The following SMARCA4 variants were observed in gnomAD, a reference collection of about 807,000 sequenced individuals.
SMARCA4 encodes the protein SWI/SNF related BAF chromatin remodeling complex subunit ATPase 4.
In SMARCA4, 31 loss-of-function variants were observed where a neutral mutation model predicts 193.9. That is an observed-to-expected ratio of 0.16 (90% CI 0.12 to 0.22). The LOEUF (loss-of-function observed/expected upper bound fraction) is 0.22. Among genes scored for constraint, SMARCA4 ranks in the 10% least tolerant of loss-of-function variants. The pLI, the probability that SMARCA4 is intolerant of heterozygous loss-of-function variation, is 1.00. For missense variants in SMARCA4, 1,148 were observed against 2,296.0 expected, an observed-to-expected ratio of 0.50 and a Z score of 10.22; for synonymous variants, 942 against 933.1, an observed-to-expected ratio of 1.01 and a Z score of -0.17.
In SMARCA4 at chr19:11,060,150, T is replaced by G. The variant is rs1480297795; in HGVS notation, c.4874T>G (p.Val1625Gly). ...RPSRGSRAKPVVSDDDSEEEQ... is the reference protein window; with the variant it reads ...RPSRGSRAKPGVSDDDSEEEQ... ...AGCCGAGGGTCCCGAGCCAAGCCGG[T>G]CGTGAGTGACGATGACAGTGAGGAG... Residue 1625 changes from valine (V) to glycine (G), a missense_variant, in exon 34 of 35, where the codon GTC (valine) becomes GGC (glycine). By Grantham distance (109) the Val-to-Gly change is moderately radical. Coordinates refer to ENST00000344626, the MANE Select transcript of SMARCA4 (RefSeq NM_003072.5). 6.4e-7 allele frequency: 1 copy of G among 1,551,028 alleles called. No homozygotes were observed. Among genetic ancestry groups the G allele is most frequent in the Admixed American group, 2.0e-5 (1 of 50,992 alleles).
rs900132786 is a variant in SMARCA4 at position 11,031,064 on chromosome 19, G to A, written c.3546+171G>A. Reference sequence around the variant, plus strand: ...ATAGGTCATCAGGGAGAAAAGAGGCGGGGTCCTCCTGTTTCCCAAAATACA... The same window carrying A: ...ATAGGTCATCAGGGAGAAAAGAGGCAGGGTCCTCCTGTTTCCCAAAATACA... On this transcript the variant is annotated intron_variant, in intron 25 of 34. Transcript: ENST00000344626. This position sits in a 1 kb window ranked among gnomAD's most constrained non-coding sequence, Gnocchi z 4.3. 34 of 685,092 alleles carry A rather than the reference G, an allele frequency of 5.0e-5. No homozygotes were observed. Among genetic ancestry groups the A allele is most frequent in the Admixed American group, 1.1e-4 (5 of 45,188 alleles). The allele number at this position is 685,092 out of a possible 1,614,324, so 42.4% of individuals were successfully genotyped here. A position where few individuals can be genotyped will look rare whatever the true frequency, so the allele number is the denominator to read the frequency against.
At chr19:11,002,105 A>G (rs1296249847) in intron 11 of SMARCA4, among the ~76,000 whole-genome samples, 1 of 152,232 alleles carries the variant, frequency 6.6e-6, no homozygotes, top group African/African-American at 2.4e-5. Context: ...CATGGAATTG[A>G]TCTGGAAGGA....
intron 1 of SMARCA4, chr19:10,983,820 C>G (rs1761817492): frequency 4.2e-6 from 2 of 475,696 alleles, no homozygotes; most frequent in Admixed American, 3.3e-5. Context: ...GACCAGCACC[C>G]CCTGAGACAC....
intron 1 of SMARCA4, among the ~76,000 whole-genome samples, chr19:10,968,520 T>C (rs896890893): frequency 2.0e-5 from 3 of 152,072 alleles, no homozygotes; most frequent in Admixed American, 6.6e-5. Flanking sequence ...CTTTCCACTT[T>C]TTATTTTTTT....
chr19:11,061,206 T>A (rs974069399), intron 34 of SMARCA4, among the ~76,000 whole-genome samples: 824 of 38,602 alleles, frequency 0.021, 16 homozygotes, highest in African/African-American at 0.091. Context: ...AAAAAAAAAA[T>A]ATATATATAT....
intron 34 of SMARCA4, among the ~76,000 whole-genome samples, chr19:11,060,880 G>A (rs932599492): frequency 2.0e-5 from 3 of 152,158 alleles, no homozygotes; most frequent in Admixed American, 1.3e-4. Flanking sequence ...TTAGTCTGAC[G>A]AAAGACGCAC....
chr19:11,019,005 G>T lies in SMARCA4; in HGVS notation c.2487G>T (p.Val829=), dbSNP rs1555777397. The part of the protein sequence containing the change: ...AYEFDKWAPS[V]VKVSYKGSPA... ...AGTTTGACAAGTGGGCCCCCTCCGT[G>T]GTGAAGGTGTCTTACAAGGTAGGTC... Residue 829 remains valine, a synonymous_variant, in exon 17 of 35, where the codon GTG becomes GTT. Coordinates refer to ENST00000344626, the MANE Select transcript of SMARCA4 (RefSeq NM_003072.5). This position sits in a 1 kb window ranked among gnomAD's most constrained non-coding sequence, Gnocchi z 6.1. 1 of 1,614,044 alleles carries T rather than the reference G, an allele frequency of 6.2e-7. No individual in the cohort carries two copies. Among genetic ancestry groups the T allele is most frequent in the Non-Finnish European group, 8.5e-7 (1 of 1,179,858 alleles).
chr19:11,035,013 G>A lies in SMARCA4; in HGVS notation c.4051G>A (p.Asp1351Asn), dbSNP rs1318154109. The A allele has an allele frequency of 6.2e-7, 1 of 1,612,078 alleles. No individual in the cohort carries two copies. The highest frequency in any genetic ancestry group is 1.3e-5 in the African/African-American group (1 of 74,914). ...DELPSWIIKDDAEVERLTCEE... is the reference protein window; with the variant it reads ...DELPSWIIKDNAEVERLTCEE... The stretch of plus-strand genomic sequence containing the variant: ...GCTCCCCTCGTGGATCATCAAGGAC[G>A]ACGCGGAGGTGGAGCGGCTGACCTG... The change falls in exon 29 of 35, where the codon GAC becomes AAC. Residue 1351 changes from aspartate to asparagine, a missense_variant. Physicochemically the swap from Asp to Asn is conservative, Grantham distance 23. Coordinates refer to ENST00000344626, the MANE Select transcript of SMARCA4 (RefSeq NM_003072.5).
intron 29 of SMARCA4, among the ~76,000 whole-genome samples, chr19:11,037,058 C>T (rs1408392188): frequency 6.6e-6 from 1 of 152,246 alleles, no homozygotes; most frequent in Non-Finnish European, 1.5e-5. Flanking sequence ...GTTGTATCCA[C>T]TTTCGGGCTA....
At position 11,012,946 on chromosome 19, in the gene SMARCA4, C is replaced by A. The variant is rs117611401; in HGVS notation, c.2275-3C>A. Reference sequence around the variant, plus strand: ...CCTGGCGTGGCCGCATCTGTCCTTGCAGATCAAAGGTTTGGAGTGGCTGGT... The same window carrying A: ...CCTGGCGTGGCCGCATCTGTCCTTGAAGATCAAAGGTTTGGAGTGGCTGGT... On this transcript the variant is annotated splice_polypyrimidine_tract_variant and splice_region_variant and intron_variant, in intron 15 of 34. Coordinates refer to ENST00000344626, the MANE Select transcript of SMARCA4 (RefSeq NM_003072.5). 3.4e-3 allele frequency: 5,426 copies of A among 1,614,076 alleles called. 19 individuals carry two copies. Among genetic ancestry groups the A allele is most frequent in the Middle Eastern group, 8.2e-3 (50 of 6,062 alleles).
At position 10,985,119 on chromosome 19, in the gene SMARCA4, C is replaced by A. The variant is rs941480335; in HGVS notation, c.223-154C>A. ...CTCGAGGCCTAAGTAGGTGTCAGAACCTTGCCTTGGAGTCATGCTGGGGAC... is the reference window on the plus strand; with the variant it reads ...CTCGAGGCCTAAGTAGGTGTCAGAAACTTGCCTTGGAGTCATGCTGGGGAC... On this transcript the variant is annotated intron_variant, in intron 2 of 34. Coordinates refer to ENST00000344626, the MANE Select transcript of SMARCA4 (RefSeq NM_003072.5). This position sits in a 1 kb window ranked among gnomAD's most constrained non-coding sequence, Gnocchi z 4.5. Among the ~76,000 whole-genome samples the A allele has an allele frequency of 1.1e-4, 17 of 152,078 alleles. No homozygotes were observed. The highest frequency in any genetic ancestry group is 3.4e-3 in the Middle Eastern group (1 of 294).
In SMARCA4 at chr19:10,990,435, G is replaced by A. The variant is rs911276750; in HGVS notation, c.1246-715G>A. Among the ~76,000 whole-genome samples the A allele has an allele frequency of 7.2e-5, 11 of 151,742 alleles. No individual in the cohort carries two copies. The East Asian group carries it at 1.6e-3, about 22-fold the overall frequency. ...CTGGGATTACAGGCATGTGCCCCAC[G>A]CCTGGCTAATTTTTGTATTTTTAGT... On this transcript the variant is annotated intron_variant, in intron 7 of 34. Transcript: ENST00000344626.
At chr19:10,994,199 C>G (rs935946045) in intron 8 of SMARCA4, among the ~76,000 whole-genome samples, 1 of 151,834 alleles carries the variant, frequency 6.6e-6, no homozygotes, top group Non-Finnish European at 1.5e-5. Flanking sequence ...GCCACCACAC[C>G]TGGCTAATAT....
intron 30 of SMARCA4, among the ~76,000 whole-genome samples, chr19:11,048,075 C>CTCTGCT: frequency 6.6e-6 from 1 of 152,306 alleles, no homozygotes; most frequent in Middle Eastern, 3.4e-3. Context: ...GCTCATGTCA[C>CTCTGCT]TCGGCCCTTC....
chr19:11,045,863 A>G (rs2075874679), intron 30 of SMARCA4, among the ~76,000 whole-genome samples: 1 of 151,646 alleles, frequency 6.6e-6, no homozygotes, highest in African/African-American at 2.4e-5. Flanking sequence ...GCGGAGGATC[A>G]CTTGAGCCCA....
chr19:10,977,580 T>A (rs1000884237), intron 1 of SMARCA4: 21 of 152,240 alleles, frequency 1.4e-4, no homozygotes, highest in African/African-American at 5.1e-4. Context: ...CGCCTCGGCC[T>A]CCCAAAGTGC....
chr19:11,029,114 C>A (rs1440638969), intron 24 of SMARCA4, among the ~76,000 whole-genome samples: 2 of 152,234 alleles, frequency 1.3e-5, no homozygotes, highest in African/African-American at 4.8e-5. Context: ...GTCTCCCCGG[C>A]TTGCCTTCTT....
At chr19:11,022,209 T>G (rs2089927152) in intron 19 of SMARCA4, among the ~76,000 whole-genome samples, 1 of 152,172 alleles carries the variant, frequency 6.6e-6, no homozygotes, top group Admixed American at 6.5e-5. Context: ...TCTGACCCTA[T>G]GCTCCAGGTG....
At chr19:10,966,273 C>T (rs373877248) in intron 1 of SMARCA4, among the ~76,000 whole-genome samples, 15 of 152,156 alleles carry the variant, frequency 9.9e-5, no homozygotes, top group South Asian at 6.2e-4. Flanking sequence ...CGTGAGCTAC[C>T]GCGCCCGGCC....
Sources: allele counts gnomAD v4.1 joint callset (sites outside exome capture counted in the v4.1 genomes callset), GRCh38; gene constraint gnomAD v4.1.1; non-coding constraint Gnocchi (gnomAD v3.1); transcripts MANE v1.5; gene names NCBI Gene and HGNC (gene_info 2026-07-23, HGNC 2026-07-21).